Variants in C12orf54 observed in about 807,000 individuals in gnomAD.
C12orf54 encodes uncharacterized protein C12orf54.
A neutral mutation model predicts 26.4 loss-of-function variants in C12orf54; 24 were observed. The observed-to-expected ratio is 0.91, with a 90% CI of 0.66 to 1.28. The LOEUF (loss-of-function observed/expected upper bound fraction) is 1.28. Ranked by LOEUF, C12orf54 falls within the 50% of genes most tolerant of loss-of-function variation. The pLI, the probability that C12orf54 is intolerant of heterozygous loss-of-function variation, is 0.00. For missense variants in C12orf54, 154 were observed against 150.9 expected (o/e 1.02, Z -0.11); for synonymous variants, 54 against 47.0 (o/e 1.15, Z -0.61).
At chr12:48,478,914 G>A (rs555369942), upstream of C12orf54, among the ~76,000 whole-genome samples, 2 of 152,184 alleles carry the variant, frequency 1.3e-5, no homozygotes, top group Non-Finnish European at 2.9e-5. Context: ...TTACACTGTT[G>A]GTGGGACTGT....
the C12orf54 span, among the ~76,000 whole-genome samples, chr12:48,449,682 T>C: frequency 6.6e-6 from 1 of 152,224 alleles, no homozygotes; most frequent in Non-Finnish European, 1.5e-5. Context: ...AACTGAATGC[T>C]TTTCTGATCT....
At chr12:48,484,316 A>G (rs1270128708) in intron 2 of C12orf54, among the ~76,000 whole-genome samples, 1 of 152,224 alleles carries the variant, frequency 6.6e-6, no homozygotes, top group Non-Finnish European at 1.5e-5. Flanking sequence ...AGAAGACTGA[A>G]TCTGGAGGAA....
At chr12:48,420,238 T>C in the C12orf54 span, among the ~76,000 whole-genome samples, 1 of 152,222 alleles carries the variant, frequency 6.6e-6, no homozygotes, top group African/African-American at 2.4e-5. Flanking sequence ...GCAGCTGAGT[T>C]GATGCCTTGC....
intron 4 of C12orf54, chr12:48,487,870 C>A: frequency 1.8e-6 from 1 of 550,278 alleles, no homozygotes; most frequent in South Asian, 2.6e-5. Flanking sequence ...CCATTCATGG[C>A]TGGGTAACAC....
chr12:48,439,361 C>G, the C12orf54 span, among the ~76,000 whole-genome samples: 1 of 152,098 alleles, frequency 6.6e-6, no homozygotes, highest in Non-Finnish European at 1.5e-5. Context: ...GGATCTAGAA[C>G]TAGAAATACC....
the C12orf54 span, among the ~76,000 whole-genome samples, chr12:48,463,971 ACAT>A: frequency 2.6e-5 from 4 of 152,258 alleles, no homozygotes; most frequent in Admixed American, 2.6e-4. Flanking sequence ...CCCACAGCTA[ACAT>A]CATACTGAAT....
the C12orf54 span, among the ~76,000 whole-genome samples, chr12:48,416,472 A>G: frequency 8.9e-5 from 13 of 146,232 alleles, no homozygotes; most frequent in African/African-American, 3.3e-4. Flanking sequence ...GTCAGTCAAT[A>G]TTGGCTCAAA....
At chr12:48,462,413 C>A in the C12orf54 span, among the ~76,000 whole-genome samples, 2 of 151,272 alleles carry the variant, frequency 1.3e-5, no homozygotes, top group Admixed American at 6.6e-5. Context: ...TATTATGATG[C>A]CAAAAATCGG....
the C12orf54 span, among the ~76,000 whole-genome samples, chr12:48,439,164 C>G: frequency 6.6e-6 from 1 of 152,138 alleles, no homozygotes; most frequent in South Asian, 2.1e-4. Flanking sequence ...TCATCACTGG[C>G]CATCAGAGAA....
upstream of C12orf54, among the ~76,000 whole-genome samples, chr12:48,478,219 A>T (rs917723336): frequency 2.0e-5 from 3 of 152,240 alleles, no homozygotes; most frequent in African/African-American, 7.2e-5. Flanking sequence ...AAAAACTCTC[A>T]ATAAATTAGG....
chr12:48,457,974 T>C, the C12orf54 span, among the ~76,000 whole-genome samples: 1 of 152,196 alleles, frequency 6.6e-6, no homozygotes, highest in South Asian at 2.1e-4. Flanking sequence ...GAAAGCTTAG[T>C]TGACAGGAGT....
chr12:48,445,278 T>C, the C12orf54 span, among the ~76,000 whole-genome samples: 12 of 152,026 alleles, frequency 7.9e-5, no homozygotes, highest in Non-Finnish European at 1.5e-4. Context: ...ACAGACCTAA[T>C]TGGGAGCCAG....
chr12:48,423,469 CAGATGGTTCGCAAAA>C, the C12orf54 span, among the ~76,000 whole-genome samples: 1 of 151,860 alleles, frequency 6.6e-6, no homozygotes, highest in Non-Finnish European at 1.5e-5. Context: ...GAGTGTAAAC[CAGATGGTTCGCAAAA>C]AGTGAAAGTA....
At chr12:48,436,967 G>A in the C12orf54 span, among the ~76,000 whole-genome samples, 1 of 152,130 alleles carries the variant, frequency 6.6e-6, no homozygotes, top group Non-Finnish European at 1.5e-5. Flanking sequence ...GCATCCAGGA[G>A]CTTGTTTTTT....
the C12orf54 span, chr12:48,472,660 G>A: frequency 3.1e-6 from 5 of 1,614,128 alleles, no homozygotes; most frequent in Non-Finnish European, 2.5e-6. Flanking sequence ...GAGAAAGCGT[G>A]AGAGATGGAG....
the C12orf54 span, among the ~76,000 whole-genome samples, chr12:48,429,371 C>T: frequency 1.9e-3 from 289 of 151,894 alleles, 2 homozygotes; most frequent in Admixed American, 5.6e-3. Flanking sequence ...AAAGAGGGAG[C>T]CAAACTGTCA....
In C12orf54 at chr12:48,488,910, T is replaced by C. The variant is rs1174916905; in HGVS notation, c.136-14T>C. 2.5e-6 allele frequency: 4 copies of C among 1,587,160 alleles called. No homozygotes were observed. The highest frequency in any genetic ancestry group is 3.5e-6 in the Non-Finnish European group (4 of 1,157,624). On this transcript the variant is annotated splice_polypyrimidine_tract_variant and intron_variant, in intron 4 of 8. Transcript: ENST00000548364. Reference sequence around the variant, plus strand: ...CTACAATATTATTTTTTCTATATTTTTGTCTTCTGTCAGGTGCTGACAGTT... The same window carrying C: ...CTACAATATTATTTTTTCTATATTTCTGTCTTCTGTCAGGTGCTGACAGTT...
At chr12:48,430,485 G>A in the C12orf54 span, among the ~76,000 whole-genome samples, 1 of 152,100 alleles carries the variant, frequency 6.6e-6, no homozygotes, top group South Asian at 2.1e-4. Flanking sequence ...CAGAAAGTGG[G>A]CTAAGGACAT....
the C12orf54 span, among the ~76,000 whole-genome samples, chr12:48,427,396 A>T: frequency 6.6e-6 from 1 of 152,086 alleles, no homozygotes; most frequent in Non-Finnish European, 1.5e-5. Flanking sequence ...ATTTGCATAT[A>T]TTGAACCCAC....
Sources: allele counts gnomAD v4.1 joint callset (sites outside exome capture counted in the v4.1 genomes callset), GRCh38; gene constraint gnomAD v4.1.1; transcripts MANE v1.5; gene names NCBI Gene and HGNC (gene_info 2026-07-23, HGNC 2026-07-21).